Variants in KCTD1 observed in about 807,000 individuals in gnomAD.
KCTD1 encodes BTB/POZ domain-containing protein KCTD1.
In KCTD1, 24 loss-of-function variants were observed where a neutral mutation model predicts 66.0. The observed-to-expected ratio is 0.36, with a 90% CI of 0.26 to 0.51. KCTD1 has a LOEUF of 0.51. KCTD1 is among the 20% of genes least tolerant of loss of function. The pLI is 0.95. For missense variants in KCTD1, 943 were observed against 1,205.2 expected, an observed-to-expected ratio of 0.78 and a Z score of 3.22; for synonymous variants, 511 against 517.2, an observed-to-expected ratio of 0.99 and a Z score of 0.16.
chr18:26,522,177 T>C (rs1008929154), intron 1 of KCTD1, among the ~76,000 whole-genome samples: 4 of 152,096 alleles, frequency 2.6e-5, no homozygotes, highest in African/African-American at 7.2e-5. Context: ...CACTTGGAAA[T>C]AGGGTTGCTG....
chr18:26,606,393 TG>T (rs111803305), intron 1 of KCTD1, among the ~76,000 whole-genome samples: 1 of 152,186 alleles, frequency 6.6e-6, no homozygotes, highest in Non-Finnish European at 1.5e-5. Context: ...TTCAGACAGT[TG>T]GGGGGCCTTA....
In KCTD1 at chr18:26,455,678, T is replaced by C. The variant is rs1980034307; in HGVS notation, c.*65A>G. ...GTTTGCTGTCCCAACTGCACATAAA[T>C]GTCCCTTTTTTGTTTGAGTTATTGG... On this transcript the variant is annotated 3_prime_UTR_variant, in exon 5 of 5. Coordinates refer to ENST00000580059, the MANE Select transcript of KCTD1 (RefSeq NM_001142730.3). The C allele has an allele frequency of 6.2e-7, 1 of 1,602,982 alleles. No individual in the cohort carries two copies. The highest frequency in any genetic ancestry group is 8.5e-7 in the Non-Finnish European group (1 of 1,173,416).
chr18:26,594,293 T>C (rs987260323), intron 1 of KCTD1, among the ~76,000 whole-genome samples: 4 of 152,346 alleles, frequency 2.6e-5, no homozygotes, highest in Admixed American at 2.6e-4. Context: ...TGCAAATGTA[T>C]GCTGCATTCT....
At chr18:26,480,160 A>G (rs530370063) in intron 2 of KCTD1, among the ~76,000 whole-genome samples, 2 of 136,258 alleles carry the variant, frequency 1.5e-5, no homozygotes, top group African/African-American at 5.8e-5. Context: ...TATTTTTTTT[A>G]CTTTTTAAAA....
At chr18:26,567,491 T>C (rs1230481796) in intron 1 of KCTD1, among the ~76,000 whole-genome samples, 8 of 139,864 alleles carry the variant, frequency 5.7e-5, no homozygotes, top group Non-Finnish European at 1.2e-4. Flanking sequence ...TGTTGTTGTT[T>C]TTTTTTTTTT....
intron 1 of KCTD1, among the ~76,000 whole-genome samples, chr18:26,592,431 C>A (rs1386382940): frequency 6.6e-6 from 1 of 152,212 alleles, no homozygotes; most frequent in African/African-American, 2.4e-5. Context: ...CCATGGCTAC[C>A]ATCACCAAGC....
chr18:26,478,092 A>T lies in KCTD1; in HGVS notation c.1989-1433T>A, dbSNP rs183358788. Reference sequence around the variant, plus strand: ...TGTAGTGTTTCCAGGACAATTTGATACAGGATGAAAAAGAATGAGATTTGT... The same window carrying T: ...TGTAGTGTTTCCAGGACAATTTGATTCAGGATGAAAAAGAATGAGATTTGT... On this transcript the variant is annotated intron_variant, in intron 2 of 4. Coordinates refer to ENST00000580059, the MANE Select transcript of KCTD1 (RefSeq NM_001142730.3). Among the ~76,000 whole-genome samples the T allele has an allele frequency of 1.7e-4, 26 of 152,324 alleles. No individual in the cohort carries two copies. In the East Asian group the frequency reaches 4.8e-3, roughly 28 times the overall value.
chr18:26,597,199 G>C (rs1986786281), intron 1 of KCTD1, among the ~76,000 whole-genome samples: 1 of 152,148 alleles, frequency 6.6e-6, no homozygotes, highest in African/African-American at 2.4e-5. Flanking sequence ...CCCCCAGAGA[G>C]GGAACACCGA....
At chr18:26,517,451 T>G (rs1983707333) in intron 1 of KCTD1, among the ~76,000 whole-genome samples, 1 of 151,440 alleles carries the variant, frequency 6.6e-6, no homozygotes, top group African/African-American at 2.4e-5. Flanking sequence ...CGGTTGAGAG[T>G]TGGAGACCAG....
intron 1 of KCTD1, among the ~76,000 whole-genome samples, chr18:26,591,033 T>A (rs1242806140): frequency 1.3e-5 from 2 of 151,982 alleles, no homozygotes; most frequent in African/African-American, 2.4e-5. Flanking sequence ...TATATGAAAA[T>A]CACTGAATTT....
chr18:26,642,165 G>A (rs1281297678), upstream of KCTD1, among the ~76,000 whole-genome samples: 1 of 152,070 alleles, frequency 6.6e-6, no homozygotes, highest in South Asian at 2.1e-4. Flanking sequence ...TGACAGACTC[G>A]ACCCAGGAAC....
intron 1 of KCTD1, among the ~76,000 whole-genome samples, chr18:26,507,186 T>G (rs1444823676): frequency 6.6e-6 from 1 of 152,124 alleles, no homozygotes; most frequent in East Asian, 1.9e-4. Flanking sequence ...GTAATAATAA[T>G]AAATAAATTT....
chr18:26,550,565 GACACACACACACACACACAC>G (rs60922405), upstream of KCTD1, among the ~76,000 whole-genome samples: 3 of 140,488 alleles, frequency 2.1e-5, no homozygotes, highest in Non-Finnish European at 4.6e-5. This position sits in a 1 kb window ranked among gnomAD's most constrained non-coding sequence, Gnocchi z 5.4. Context: ...AAGACACACA[GACACACACACACACACACAC>G]ACACACACAC....
At chr18:26,626,522 G>A (rs1987505937) in intron 1 of KCTD1, among the ~76,000 whole-genome samples, 2 of 149,828 alleles carry the variant, frequency 1.3e-5, no homozygotes, top group South Asian at 4.2e-4. Flanking sequence ...ATCACCCAGG[G>A]TGGAGTGCAG....
In KCTD1 at chr18:26,488,229, C is replaced by A. The variant is rs1201421215; in HGVS notation, c.1989-11570G>T. On this transcript the variant is annotated intron_variant, in intron 2 of 4. Coordinates refer to ENST00000580059, the MANE Select transcript of KCTD1 (RefSeq NM_001142730.3). ...GTTCCCTAGGTTTCCTTGGTTGATA[C>A]AACAACCTTTATTCCAGTCCATTTT... Among the ~76,000 whole-genome samples the A allele has an allele frequency of 2.6e-5, 4 of 151,996 alleles. No homozygotes were observed. In the East Asian group the frequency reaches 5.8e-4, roughly 22 times the overall value.
chr18:26,620,170 A>G (rs980707936), intron 1 of KCTD1, among the ~76,000 whole-genome samples: 1 of 151,982 alleles, frequency 6.6e-6, no homozygotes, highest in Non-Finnish European at 1.5e-5. Context: ...CAATGTAGAC[A>G]CTAAGATTCT....
intron 1 of KCTD1, chr18:26,575,181 A>T (rs190397169): frequency 6.6e-6 from 1 of 152,312 alleles, no homozygotes; most frequent in East Asian, 1.9e-4. Flanking sequence ...AGAATATTTC[A>T]GAAGTTTGAA....
At chr18:26,654,533 C>T (rs1988092692) in intron 1 of KCTD1, among the ~76,000 whole-genome samples, 1 of 152,116 alleles carries the variant, frequency 6.6e-6, no homozygotes, top group Non-Finnish European at 1.5e-5. Flanking sequence ...AATCTTACAG[C>T]TAGAAGAGAG....
At chr18:26,486,209 C>T (rs1254454009) in intron 2 of KCTD1, among the ~76,000 whole-genome samples, 1 of 152,178 alleles carries the variant, frequency 6.6e-6, no homozygotes, top group Non-Finnish European at 1.5e-5. Flanking sequence ...CTGCACCCGG[C>T]CCTGATTTAA....
Sources: allele counts gnomAD v4.1 joint callset (sites outside exome capture counted in the v4.1 genomes callset), GRCh38; gene constraint gnomAD v4.1.1; non-coding constraint Gnocchi (gnomAD v3.1); transcripts MANE v1.5; gene names NCBI Gene and HGNC (gene_info 2026-07-23, HGNC 2026-07-21).